RAD23A: variants seen among roughly 807,000 people sequenced by gnomAD.
RAD23A encodes the protein RAD23 nucleotide excision repair protein A, also known as lysine-specific demethylase RAD23A.
In RAD23A, 16 loss-of-function variants were observed where a neutral mutation model predicts 44.8. The ratio of observed to expected loss-of-function variants is 0.36; its 90% CI spans 0.24 to 0.54. RAD23A has a LOEUF of 0.54. Ranked by LOEUF, RAD23A falls within the 20% of genes least tolerant of loss-of-function variation. The pLI is 0.89. For missense variants in RAD23A, 380 were observed against 483.3 expected (o/e 0.79, Z 2.00); for synonymous variants, 217 against 202.9 (o/e 1.07, Z -0.59).
chr19:12,949,553 A>G (rs1568453889), intron 7 of RAD23A, 145 bp downstream of exon 7: 8 of 1,129,296 alleles, frequency 7.1e-6, no homozygotes, highest in Non-Finnish European at 8.8e-6. Flanking sequence ...GCTTCCTGTG[A>G]CCTGGTGACC....
intron 1 of RAD23A, among the ~76,000 whole-genome samples, chr19:12,946,460 G>A (rs1019351530): frequency 6.6e-6 from 1 of 152,192 alleles, no homozygotes; most frequent in Non-Finnish European, 1.5e-5. Flanking sequence ...GATAATAAAC[G>A]GGTCTCAGTC....
In RAD23A at chr19:12,949,427, A is replaced by G; in HGVS notation, c.813+19A>G. 3 of 1,607,956 alleles carry G rather than the reference A, an allele frequency of 1.9e-6. No individual in the cohort carries two copies. Among genetic ancestry groups the G allele is most frequent in the Non-Finnish European group, 2.6e-6 (3 of 1,175,170 alleles). ...TTTACAGGTGTGGTCCCAAGGGCAG[A>G]GGGAGCTAGGGCAGCCACCATTTCC... On this transcript the variant is annotated intron_variant, in intron 7 of 8. Coordinates refer to ENST00000586534, the MANE Select transcript of RAD23A (RefSeq NM_005053.4).
Position 12,946,032 on chromosome 19 carries a change from G to T in RAD23A, c.72+12G>T, listed in dbSNP as rs763807903. ...AGCCTGACGAGACGGTGCGGGCCGGGCCGGAGCCCGGGGGCGGGAGCGACG... is the reference window on the plus strand; with the variant it reads ...AGCCTGACGAGACGGTGCGGGCCGGTCCGGAGCCCGGGGGCGGGAGCGACG... On this transcript the variant is annotated intron_variant, in intron 1 of 8. Coordinates refer to ENST00000586534, the MANE Select transcript of RAD23A (RefSeq NM_005053.4). 10 of 1,570,090 alleles carry T rather than the reference G, an allele frequency of 6.4e-6. No homozygotes were observed. In the East Asian group the frequency reaches 2.5e-4, roughly 39 times the overall value.
In RAD23A at chr19:12,948,351, G is replaced by A. The variant is rs200107326; in HGVS notation, c.409G>A (p.Val137Met). The change falls in exon 3 of 9, where the codon GTG (valine) becomes ATG (methionine). Residue 137 changes from valine (V) to methionine (M), a missense_variant. By Grantham distance (21) the Val-to-Met change is conservative. Coordinates refer to ENST00000586534, the MANE Select transcript of RAD23A (RefSeq NM_005053.4). The surrounding 1 kb of genome is among the most constrained non-coding windows in gnomAD (Gnocchi z 5.5). The part of the protein sequence containing the change: ...ESAPTTSPES[V>M]SGSVPSSGSS... Reference sequence around the variant, plus strand: ...CGCCCCCACGACGTCCCCAGAGTCTGTGTCAGGGTAAGGCGGGGGCAGCAG... The same window carrying A: ...CGCCCCCACGACGTCCCCAGAGTCTATGTCAGGGTAAGGCGGGGGCAGCAG... 227 of 1,587,232 alleles carry A rather than the reference G, an allele frequency of 1.4e-4. 4 individuals are homozygous for A. The South Asian group carries it at 2.4e-3, about 17-fold the overall frequency.
At chr19:12,950,376 A>G (rs1291088090) in intron 7 of RAD23A, among the ~76,000 whole-genome samples, 1 of 149,508 alleles carries the variant, frequency 6.7e-6, no homozygotes, top group African/African-American at 2.5e-5. Context: ...CCACTTTTCA[A>G]CCATGAGGCA....
At chr19:12,946,445 T>TTAATGA (rs1231052538) in intron 1 of RAD23A, among the ~76,000 whole-genome samples, 1 of 152,194 alleles carries the variant, frequency 6.6e-6, no homozygotes, top group East Asian at 1.9e-4. Flanking sequence ...AACAACGATG[T>TTAATGA]TAATGATAAT....
In RAD23A at chr19:12,952,775, G is replaced by A. The variant is rs545258620; in HGVS notation, c.900G>A (p.Glu300=). ...CGGACATCTCAGATGTGGAGGGGGAGGTGGGCGCCATAGGAGAGGAGGCCC... is the reference window on the plus strand; with the variant it reads ...CGGACATCTCAGATGTGGAGGGGGAAGTGGGCGCCATAGGAGAGGAGGCCC... ...ELADISDVEG[E]VGAIGEEAPQ... Residue 300 remains glutamate (E), a synonymous_variant, in exon 8 of 9, where the codon GAG becomes GAA. Coordinates refer to ENST00000586534, the MANE Select transcript of RAD23A (RefSeq NM_005053.4). The A allele has an allele frequency of 2.7e-5, 43 of 1,613,388 alleles. 1 individual carries two copies. In the South Asian group the frequency reaches 4.5e-4, roughly 17 times the overall value.
rs936494198 is a variant in RAD23A, at chr19:12,946,785, A to T, written c.72+765A>T. ...CTATTGGGTACTTGGCGCTTTTTGCATAGTGAGGGAGACATTGAAGTCCAC... is the reference window on the plus strand; with the variant it reads ...CTATTGGGTACTTGGCGCTTTTTGCTTAGTGAGGGAGACATTGAAGTCCAC... On this transcript the variant is annotated intron_variant, in intron 1 of 8. Transcript: ENST00000586534. 5.8e-4 allele frequency among the ~76,000 whole-genome samples: 89 copies of T among 152,352 alleles called. 1 individual carries two copies. Among genetic ancestry groups the T allele is most frequent in the African/African-American group, 2.1e-3 (87 of 41,588 alleles).
intron 1 of RAD23A, among the ~76,000 whole-genome samples, chr19:12,947,176 G>T (rs1383140632): frequency 6.6e-6 from 1 of 152,126 alleles, no homozygotes; most frequent in Non-Finnish European, 1.5e-5. Context: ...TAATCCTGAT[G>T]ATTTGGGAGG....
chr19:12,952,672 C>A lies in RAD23A; in HGVS notation c.814-17C>A. 1 of 1,602,082 alleles carries A rather than the reference C, an allele frequency of 6.2e-7. No individual in the cohort carries two copies. Among genetic ancestry groups the A allele is most frequent in the Non-Finnish European group, 8.5e-7 (1 of 1,171,020 alleles). ...CAGGGCTGTGAATTACCTTCCCTTC[C>A]CCACCCTCTCCTGCAGCAAATCAGC... On this transcript the variant is annotated splice_polypyrimidine_tract_variant and intron_variant, in intron 7 of 8. Coordinates refer to ENST00000586534, the MANE Select transcript of RAD23A (RefSeq NM_005053.4).
In RAD23A at chr19:12,945,904, T is replaced by C. The variant is rs1314238462; in HGVS notation, c.-45T>C. 3.1e-6 allele frequency: 5 copies of C among 1,587,804 alleles called. No homozygotes were observed. The highest frequency in any genetic ancestry group is 2.3e-5 in the East Asian group (1 of 44,030). On this transcript the variant is annotated 5_prime_UTR_variant, in exon 1 of 9. An upstream start codon of the reference 5' UTR is lost. Transcript: ENST00000586534. ...TAAGATGGCGGCGGCGTGAGTTGCATGTTGTGTGAGGATCCCGGGGCCGCC... is the reference window on the plus strand; with the variant it reads ...TAAGATGGCGGCGGCGTGAGTTGCACGTTGTGTGAGGATCCCGGGGCCGCC...
rs200028355 is a variant in RAD23A, at chr19:12,947,150, C to T, written c.73-698C>T. Among the ~76,000 whole-genome samples, 22 of 152,328 alleles carry T rather than the reference C, an allele frequency of 1.4e-4. No homozygotes were observed. In the East Asian group the frequency reaches 3.9e-3, roughly 27 times the overall value. On this transcript the variant is annotated intron_variant, in intron 1 of 8. Coordinates refer to ENST00000586534, the MANE Select transcript of RAD23A (RefSeq NM_005053.4). ...TTACAGTAGCACTATTGGCCAGGCA[C>T]GGTGGCTCATGCCTCTAATCCTGAT...
chr19:12,949,013 C>T, intron 5 of RAD23A, 68 bp from the exon 6 acceptor site: 2 of 1,567,162 alleles, frequency 1.3e-6, no homozygotes, highest in Non-Finnish European at 1.7e-6. Context: ...CATCTGTGTC[C>T]TGCCAGGGCA....
Position 12,952,998 on chromosome 19 carries a change from T to A in RAD23A, c.1041T>A (p.Asn347Lys). Residue 347 changes from asparagine (N) to lysine (K), a missense_variant, in exon 9 of 9, where the codon AAT (asparagine) becomes AAA (lysine). Transcript: ENST00000586534. ...VIQAYFACEK[N>K]ENLAANFLLS... The stretch of plus-strand genomic sequence containing the variant: ...AGGCCTATTTCGCGTGTGAAAAAAA[T>A]GAGAACTTGGCTGCCAACTTCCTCC... 6.2e-7 allele frequency: 1 copy of A among 1,613,880 alleles called. No homozygotes were observed. The highest frequency in any genetic ancestry group is 8.5e-7 in the Non-Finnish European group (1 of 1,179,974).
At chr19:12,950,050 TG>T (rs1354986385) in intron 7 of RAD23A, among the ~76,000 whole-genome samples, 1 of 152,068 alleles carries the variant, frequency 6.6e-6, no homozygotes, top group Non-Finnish European at 1.5e-5. Context: ...CATAGTGTCC[TG>T]GGGCCTTCAG....
intron 7 of RAD23A, chr19:12,952,323 C>A: frequency 5.3e-6 from 1 of 187,012 alleles, no homozygotes; most frequent in East Asian, 1.6e-4. Context: ...TGCCAAGTAG[C>A]TGGGATTACA....
Position 12,952,735 on chromosome 19 carries a change from C to T in RAD23A, c.860C>T (p.Pro287Leu). ...CAGTTCATCCAGATGCTGAACGAGC[C>T]CCCTGGGGAGCTGGCGGACATCTCA... ...QEQFIQMLNE[P>L]PGELADISDV... Residue 287 changes from proline (P) to leucine (L), a missense_variant, in exon 8 of 9, where the codon CCC becomes CTC. Coordinates refer to ENST00000586534, the MANE Select transcript of RAD23A (RefSeq NM_005053.4). 6.2e-7 allele frequency: 1 copy of T among 1,612,842 alleles called. No individual in the cohort carries two copies. The highest frequency in any genetic ancestry group is 8.5e-7 in the Non-Finnish European group (1 of 1,179,784).
chr19:12,953,635 A>G lies in RAD23A; in HGVS notation c.*586A>G, dbSNP rs1233768428. 1 of 154,042 alleles carries G rather than the reference A, an allele frequency of 6.5e-6. No individual in the cohort carries two copies. The highest frequency in any genetic ancestry group is 1.4e-5 in the Non-Finnish European group (1 of 69,156). 9.5% of individuals were successfully genotyped at this position (154,042 alleles called of 1,614,324 possible). On this transcript the variant is annotated 3_prime_UTR_variant, in exon 9 of 9. Transcript: ENST00000586534. ...AAGGTTTTGAAGTGAATAAAGTTTTAAAAACTAGCCCTATGGTCTGTGCCT... is the reference window on the plus strand; with the variant it reads ...AAGGTTTTGAAGTGAATAAAGTTTTGAAAACTAGCCCTATGGTCTGTGCCT...
chr19:12,947,946 C>T lies in RAD23A; in HGVS notation c.171C>T (p.Asp57=), dbSNP rs776617045. ...TCTATGCCGGCAAGATCTTGAGTGA[C>T]GATGTCCCTATCAGGGACTATCGCA... ...KLIYAGKILS[D]DVPIRDYRID... The change falls in exon 2 of 9, where the codon GAC becomes GAT. Residue 57 remains aspartate, a synonymous_variant. Transcript: ENST00000586534. The T allele has an allele frequency of 1.9e-5, 30 of 1,613,828 alleles. No individual in the cohort carries two copies. The highest frequency in any genetic ancestry group is 2.7e-5 in the African/African-American group (2 of 74,872).
Sources: gnomAD v4.1 joint callset for allele counts (sites outside exome capture counted in the v4.1 genomes callset) on GRCh38, gnomAD v4.1.1 for gene constraint, Gnocchi (gnomAD v3.1) non-coding constraint, MANE v1.5 for transcripts, NCBI Gene and HGNC (gene_info 2026-07-23, HGNC 2026-07-21) for gene names.